Variants in C10orf67 observed in about 807,000 individuals in gnomAD.
The protein encoded by C10orf67 is uncharacterized protein C10orf67, mitochondrial.
In C10orf67, 60 loss-of-function variants were observed where a neutral mutation model predicts 35.6. The ratio of observed to expected loss-of-function variants is 1.68; its 90% CI spans 1.37 to 2.09. The LOEUF (loss-of-function observed/expected upper bound fraction) is 2.09. Ranked by LOEUF, C10orf67 falls within the 30% of genes most tolerant of loss-of-function variation. The pLI is 0.00. For missense variants in C10orf67, 474 were observed against 330.2 expected (o/e 1.44, Z -3.38); for synonymous variants, 167 against 115.8 (o/e 1.44, Z -2.84).
At chr10:23,222,423 C>T (rs1841609210) in intron 15 of C10orf67, among the ~76,000 whole-genome samples, 1 of 152,130 alleles carries the variant, frequency 6.6e-6, no homozygotes, top group Non-Finnish European at 1.5e-5. Flanking sequence ...AAACCAAATA[C>T]TGCATGTTCT....
rs568576543 is a variant in C10orf67 at position 23,289,947 on chromosome 10, T to G, written c.862A>C (p.Ile288Leu). 5.6e-6 allele frequency: 4 copies of G among 717,160 alleles called. No individual in the cohort carries two copies. The highest frequency in any genetic ancestry group is 4.0e-5 in the Admixed American group (2 of 49,978). The allele number at this position is 717,160 out of a possible 1,614,324, so 44.4% of individuals were successfully genotyped here. A position where few individuals can be genotyped will look rare whatever the true frequency, so the allele number is the denominator to read the frequency against. Residue 288 changes from isoleucine to leucine, a missense_variant, in exon 7 of 16, where the codon ATA becomes CTA. By Grantham distance (5) the Ile-to-Leu change is conservative. Transcript: ENST00000636213. ...KENSGLEDELISMKEMAEKDH... is the reference protein window; with the variant it reads ...KENSGLEDELLSMKEMAEKDH... ...TTTTCTGCCATCTCTTTCATACTTA[T>G]AAGTTCATCTTCTGTAAACAAAAGG...
At chr10:23,316,220 G>A (rs531974547) in intron 4 of C10orf67, among the ~76,000 whole-genome samples, 12 of 152,348 alleles carry the variant, frequency 7.9e-5, no homozygotes, top group African/African-American at 2.9e-4. Flanking sequence ...CATGCCAGCT[G>A]CAGCAGGGCA....
chr10:23,207,151 C>CT lies in C10orf67; in HGVS notation c.1571-2897dup, dbSNP rs10718721. ...GAATAACATGCCAACTTCCTAAAGG[C>CT]TTTTTTTTTTTTTTTGTCTTAATGA... On this transcript the variant is annotated intron_variant, in intron 15 of 15. Transcript: ENST00000636213. 2.2e-3 allele frequency among the ~76,000 whole-genome samples: 309 copies of CT among 139,454 alleles called. 2 individuals are homozygous for CT. Among genetic ancestry groups the CT allele is most frequent in the Admixed American group, 3.8e-3 (53 of 14,030 alleles). The allele number at this position is 139,454 out of a possible 152,430, so 91.5% of individuals were successfully genotyped here. A position where few individuals can be genotyped will look rare whatever the true frequency, so the allele number is the denominator to read the frequency against.
intron 10 of C10orf67, among the ~76,000 whole-genome samples, chr10:23,256,178 T>A (rs904948572): frequency 1.3e-5 from 2 of 151,980 alleles, no homozygotes. Context: ...ATTTTCGTAT[T>A]TTTTTTAGAG....
rs144367120 is a variant in C10orf67 at position 23,211,918 on chromosome 10, G to A, written c.1571-7663C>T. 4.6e-5 allele frequency among the ~76,000 whole-genome samples: 7 copies of A among 152,262 alleles called. No individual in the cohort carries two copies. In the East Asian group the frequency reaches 5.8e-4, roughly 13 times the overall value. On this transcript the variant is annotated intron_variant, in intron 15 of 15. Coordinates refer to ENST00000636213, the MANE Select transcript of C10orf67 (RefSeq NM_001371909.1). ...ACAAGATAAACATGTCTCTTGTAAC[G>A]AAATGGTGAAGTAACAAGCCAGCCT...
intron 13 of C10orf67, among the ~76,000 whole-genome samples, chr10:23,239,304 A>G (rs141289704): frequency 1.2e-3 from 180 of 152,354 alleles, no homozygotes; most frequent in African/African-American, 3.9e-3. Flanking sequence ...TTCTAATGTG[A>G]AATTGAATGG....
chr10:23,244,037 G>A (rs1264921264), intron 12 of C10orf67, among the ~76,000 whole-genome samples: 1 of 152,080 alleles, frequency 6.6e-6, no homozygotes, highest in Admixed American at 6.6e-5. Flanking sequence ...GACCACAGGT[G>A]CATGCCACGA....
At chr10:23,268,912 A>G (rs1842950112) in intron 8 of C10orf67, among the ~76,000 whole-genome samples, 1 of 152,250 alleles carries the variant, frequency 6.6e-6, no homozygotes, top group Non-Finnish European at 1.5e-5. Context: ...TCAAACATAG[A>G]AAAGTTACAG....
chr10:23,269,518 G>T (rs183669509), intron 8 of C10orf67, among the ~76,000 whole-genome samples: 2 of 152,052 alleles, frequency 1.3e-5, no homozygotes, highest in Non-Finnish European at 2.9e-5. Context: ...AATAAATAAC[G>T]AAATAGTAGA....
chr10:23,250,941 T>C lies in C10orf67; in HGVS notation c.1201-250A>G, dbSNP rs1036463210. Among the ~76,000 whole-genome samples the C allele has an allele frequency of 4.6e-5, 7 of 151,884 alleles. 1 individual carries two copies. The highest frequency in any genetic ancestry group is 8.8e-5 in the Non-Finnish European group (6 of 67,962). On this transcript the variant is annotated intron_variant, in intron 10 of 15. Transcript: ENST00000636213. ...AGTGGGACCTTGTCTCTACAAAAAA[T>C]TAAACATTAGCAAGGCATAGTGGCA...
intron 15 of C10orf67, among the ~76,000 whole-genome samples, chr10:23,207,860 TA>T (rs1229914459): frequency 6.6e-6 from 1 of 152,204 alleles, no homozygotes; most frequent in Admixed American, 6.5e-5. Context: ...CGGCACCAAA[TA>T]GCTTTGGTAT....
intron 8 of C10orf67, among the ~76,000 whole-genome samples, chr10:23,280,959 T>A (rs1233302530): frequency 6.6e-6 from 1 of 152,068 alleles, no homozygotes; most frequent in Non-Finnish European, 1.5e-5. Context: ...GCCTGAACTT[T>A]GGAGGAATGA....
At chr10:23,280,800 T>C (rs1843344470) in intron 8 of C10orf67, among the ~76,000 whole-genome samples, 1 of 152,248 alleles carries the variant, frequency 6.6e-6, no homozygotes, top group Admixed American at 6.5e-5. Flanking sequence ...CTGCTCCTAG[T>C]ATAGGCACAA....
intron 13 of C10orf67, among the ~76,000 whole-genome samples, chr10:23,236,962 G>T (rs183700533): frequency 1.3e-5 from 2 of 152,230 alleles, no homozygotes; most frequent in East Asian, 3.9e-4. Context: ...TATCATGGGG[G>T]TTTGCTGTTC....
At chr10:23,227,901 AAGG>A (rs1935076652) in intron 13 of C10orf67, among the ~76,000 whole-genome samples, 1 of 152,202 alleles carries the variant, frequency 6.6e-6, no homozygotes, top group Admixed American at 6.5e-5. Context: ...GGACCTCTTC[AAGG>A]AGAACTACAA....
chr10:23,342,139 G>T (rs1167402673), intron 1 of C10orf67, among the ~76,000 whole-genome samples: 3 of 151,890 alleles, frequency 2.0e-5, no homozygotes, highest in Non-Finnish European at 2.9e-5. Flanking sequence ...ACTCCAGCCT[G>T]GGTGACAGAG....
At chr10:23,343,054 C>A (rs1226771614) in intron 1 of C10orf67, among the ~76,000 whole-genome samples, 1 of 152,208 alleles carries the variant, frequency 6.6e-6, no homozygotes, top group Non-Finnish European at 1.5e-5. Flanking sequence ...TCCAAATAAA[C>A]AACAAAGCTA....
chr10:23,273,270 C>T (rs1160651632), intron 8 of C10orf67, among the ~76,000 whole-genome samples: 1 of 152,204 alleles, frequency 6.6e-6, no homozygotes, highest in Non-Finnish European at 1.5e-5. Context: ...TGACTTCAGA[C>T]TCAAAATCTT....
At chr10:23,294,294 C>T (rs1843813118) in intron 5 of C10orf67, among the ~76,000 whole-genome samples, 5 of 152,140 alleles carry the variant, frequency 3.3e-5, no homozygotes, top group Admixed American at 2.0e-4. Context: ...CAGGGCTCAT[C>T]AGTGTTGGGA....
Sources: allele counts gnomAD v4.1 joint callset (sites outside exome capture counted in the v4.1 genomes callset), GRCh38; gene constraint gnomAD v4.1.1; transcripts MANE v1.5; gene names NCBI Gene and HGNC (gene_info 2026-07-23, HGNC 2026-07-21).